The following CFDP1 variants were observed in gnomAD, a reference collection of about 807,000 sequenced individuals.
The protein encoded by CFDP1 is chromatin remodeling protein CFDP1.
In CFDP1, 31 loss-of-function variants were observed where a neutral mutation model predicts 40.1. The ratio of observed to expected loss-of-function variants is 0.77; its 90% CI spans 0.58 to 1.04. The LOEUF is 1.04. CFDP1 is among the 50% of genes least tolerant of loss of function. The pLI, the probability that CFDP1 is intolerant of heterozygous loss-of-function variation, is 0.00. For synonymous variants in CFDP1, 167 were observed against 120.0 expected (o/e 1.39, Z -2.56); for missense variants, 423 against 343.4 (o/e 1.23, Z -1.83).
intron 5 of CFDP1, among the ~76,000 whole-genome samples, chr16:75,305,661 G>A (rs758337299): frequency 3.9e-5 from 6 of 152,150 alleles, no homozygotes; most frequent in Admixed American, 1.3e-4. Context: ...TTGGCACAGC[G>A]TCAAGGTGCA....
At chr16:75,360,997 C>T (rs1444580049) in intron 5 of CFDP1, among the ~76,000 whole-genome samples, 1 of 152,086 alleles carries the variant, frequency 6.6e-6, no homozygotes, top group Non-Finnish European at 1.5e-5. Context: ...AAACATTCCA[C>T]CCATTCACCA....
At chr16:75,322,057 C>G (rs925887432) in intron 5 of CFDP1, 1 of 152,328 alleles carries the variant, frequency 6.6e-6, no homozygotes, top group East Asian at 1.9e-4. Context: ...ATCTCCTGAC[C>G]TTGTGATCCA....
At chr16:75,338,137 G>C (rs746719186) in intron 5 of CFDP1, among the ~76,000 whole-genome samples, 3 of 152,132 alleles carry the variant, frequency 2.0e-5, no homozygotes, top group Non-Finnish European at 2.9e-5. Context: ...TACTTCCACT[G>C]AACTCAATGG....
chr16:75,352,130 C>A (rs1027484192), intron 5 of CFDP1, among the ~76,000 whole-genome samples: 2 of 151,342 alleles, frequency 1.3e-5, no homozygotes, highest in African/African-American at 2.4e-5. Context: ...TACTTGAGGT[C>A]AGGAGTTTGA....
At chr16:75,425,676 A>G (rs1344157368) in intron 1 of CFDP1, among the ~76,000 whole-genome samples, 1 of 151,916 alleles carries the variant, frequency 6.6e-6, no homozygotes, top group Non-Finnish European at 1.5e-5. Flanking sequence ...AAAAAAAAGA[A>G]TCCATAACTC....
At chr16:75,412,960 T>C (rs1794541193) in intron 2 of CFDP1, among the ~76,000 whole-genome samples, 1 of 150,658 alleles carries the variant, frequency 6.6e-6, no homozygotes, top group Admixed American at 6.6e-5. Flanking sequence ...ACTGAGCTCT[T>C]AGTGCTAACT....
intron 5 of CFDP1, among the ~76,000 whole-genome samples, chr16:75,386,814 T>C (rs1171486029): frequency 6.6e-6 from 1 of 152,250 alleles, no homozygotes. Flanking sequence ...AATTGTCAGA[T>C]ATCCTCTTCC....
At chr16:75,305,743 G>A (rs906217912) in intron 5 of CFDP1, among the ~76,000 whole-genome samples, 1 of 152,210 alleles carries the variant, frequency 6.6e-6, no homozygotes, top group Admixed American at 6.5e-5. Context: ...TTAAGAGAAA[G>A]AGAACCAGTT....
chr16:75,375,457 T>C (rs1269460997), intron 5 of CFDP1, among the ~76,000 whole-genome samples: 2 of 152,126 alleles, frequency 1.3e-5, no homozygotes, highest in African/African-American at 4.8e-5. Context: ...CAATGCAAAC[T>C]AAAATCAGAG....
At chr16:75,296,218 G>T (rs1053267455) in intron 6 of CFDP1, among the ~76,000 whole-genome samples, 1 of 152,142 alleles carries the variant, frequency 6.6e-6, no homozygotes. Flanking sequence ...TAAGTATGTG[G>T]CTTTAAGCAT....
chr16:75,430,757 C>A (rs532184942), intron 1 of CFDP1, among the ~76,000 whole-genome samples: 1 of 152,288 alleles, frequency 6.6e-6, no homozygotes, highest in East Asian at 1.9e-4. Flanking sequence ...AGCCACTGCT[C>A]GGCTGAGAAC....
At chr16:75,316,917 G>A (rs1044013255) in intron 5 of CFDP1, among the ~76,000 whole-genome samples, 2 of 151,848 alleles carry the variant, frequency 1.3e-5, no homozygotes, top group African/African-American at 4.8e-5. Flanking sequence ...GGAGGCAGAG[G>A]TTGTGGTGAG....
chr16:75,408,819 G>C (rs1236076793), intron 4 of CFDP1, among the ~76,000 whole-genome samples: 3 of 151,856 alleles, frequency 2.0e-5, no homozygotes, highest in Admixed American at 6.6e-5. Flanking sequence ...CAAAGTGTGT[G>C]TCTGACATTT....
intron 4 of CFDP1, among the ~76,000 whole-genome samples, chr16:75,406,234 G>C (rs933870436): frequency 5.3e-5 from 8 of 152,002 alleles, no homozygotes; most frequent in African/African-American, 1.9e-4. Flanking sequence ...GAATTAGCTA[G>C]GCATGGGTGA....
At chr16:75,361,707 A>G (rs1445302400) in intron 5 of CFDP1, among the ~76,000 whole-genome samples, 1 of 152,186 alleles carries the variant, frequency 6.6e-6, no homozygotes, top group African/African-American at 2.4e-5. Flanking sequence ...AAGTTTTTTT[A>G]CAATACACAA....
chr16:75,347,865 C>A (rs2078580800), intron 5 of CFDP1, among the ~76,000 whole-genome samples: 1 of 152,178 alleles, frequency 6.6e-6, no homozygotes, highest in African/African-American at 2.4e-5. Context: ...TCATTCTCAT[C>A]ATGCGAAATC....
At chr16:75,371,380 G>A (rs2078750186) in intron 5 of CFDP1, among the ~76,000 whole-genome samples, 1 of 152,070 alleles carries the variant, frequency 6.6e-6, no homozygotes, top group African/African-American at 2.4e-5. Context: ...ATTAAACACT[G>A]GCTAATGTCT....
At chr16:75,317,788 C>T (rs1264286630) in intron 5 of CFDP1, among the ~76,000 whole-genome samples, 1 of 152,090 alleles carries the variant, frequency 6.6e-6, no homozygotes, top group African/African-American at 2.4e-5. Context: ...CCAAGAAAAG[C>T]TGAGGCAGAG....
At chr16:75,301,072 G>A (rs1452348989) in intron 6 of CFDP1, among the ~76,000 whole-genome samples, 1 of 152,196 alleles carries the variant, frequency 6.6e-6, no homozygotes, top group Admixed American at 6.5e-5. Flanking sequence ...CTGAGGCATG[G>A]TGAGGTCAGT....
Sources: gnomAD v4.1 joint callset for allele counts (sites outside exome capture counted in the v4.1 genomes callset) on GRCh38, gnomAD v4.1.1 for gene constraint, MANE v1.5 for transcripts, NCBI Gene and HGNC (gene_info 2026-07-23, HGNC 2026-07-21) for gene names.